The following GP6 variants were observed in gnomAD, a reference collection of about 807,000 sequenced individuals.
The protein encoded by GP6 is platelet glycoprotein VI.
Under a neutral mutation model 37.3 loss-of-function variants are expected in GP6, and 45 were observed. That is an observed-to-expected ratio of 1.21 (90% CI 0.95 to 1.55). The LOEUF (loss-of-function observed/expected upper bound fraction) is 1.55. Ranked by LOEUF, GP6 falls within the 40% of genes most tolerant of loss-of-function variation. GP6 has a pLI of 0.00. For missense variants in GP6, 813 were observed against 760.2 expected (o/e 1.07, Z -0.82); for synonymous variants, 340 against 316.4 (o/e 1.07, Z -0.79).
intron 1 of GP6, among the ~76,000 whole-genome samples, chr19:55,037,261 G>T (rs182604692): frequency 6.6e-6 from 1 of 151,996 alleles, no homozygotes; most frequent in African/African-American, 2.4e-5. Flanking sequence ...CATCCATCAG[G>T]AGACTATTTA....
At chr19:55,032,026 C>T (rs553455902) in intron 3 of GP6, 113 bp downstream of exon 3, 38 of 1,046,656 alleles carry the variant, frequency 3.6e-5, no homozygotes, top group East Asian at 7.7e-5. Flanking sequence ...CACCACCACC[C>T]GCTAGGCCAG....
chr19:55,023,696 C>T (rs2074163198), intron 5 of GP6, among the ~76,000 whole-genome samples: 1 of 152,176 alleles, frequency 6.6e-6, no homozygotes, highest in African/African-American at 2.4e-5. Context: ...ATGATCCAGT[C>T]TCAGATATTT....
rs370477228 is a variant in GP6, at chr19:55,014,851, C to G, written c.1094G>C (p.Arg365Pro). ...CCCTCCTGCTTCCACGCTCCACACA[C>G]GCCAGTCTTTGAGTCGCCTCCCATG... Residue 365 changes from arginine to proline, a missense_variant, in exon 8 of 8, where the codon CGT becomes CCT. Transcript: ENST00000310373. The G allele has an allele frequency of 4.3e-6, 7 of 1,614,118 alleles. No homozygotes were observed. The highest frequency in any genetic ancestry group is 2.2e-5 in the South Asian group (2 of 91,074).
intron 1 of GP6, among the ~76,000 whole-genome samples, chr19:55,034,150 A>ATGTGTGTGTG (rs61435060): frequency 0.089 from 13,279 of 149,152 alleles, 804 homozygotes; most frequent in Non-Finnish European, 0.13. Flanking sequence ...ATATGTATGC[A>ATGTGTGTGTG]TGTGTGTGTG....
At chr19:55,037,454 T>C (rs138794755) in intron 1 of GP6, among the ~76,000 whole-genome samples, 25 of 151,476 alleles carry the variant, frequency 1.7e-4, no homozygotes, top group Middle Eastern at 3.4e-3. Flanking sequence ...TCTCCTGCCT[T>C]AGCCTCCAGA....
In GP6 at chr19:55,021,520, GT is replaced by G. The variant is rs1555797168; in HGVS notation, c.665-2810del. ...ACCTGTTGTTTCTTGACTTTTGTTG[GT>G]TTTTTTTTTTTTTTTTTGAGATGGA... On this transcript the variant is annotated intron_variant, in intron 5 of 7. Coordinates refer to ENST00000310373, the MANE Select transcript of GP6 (RefSeq NM_001083899.2). Among the ~76,000 whole-genome samples the G allele has an allele frequency of 8.8e-4, 111 of 126,238 alleles. 1 individual carries two copies. The highest frequency in any genetic ancestry group is 2.1e-3 in the African/African-American group (72 of 33,866). The allele number at this position is 126,238 out of a possible 152,430, so 82.8% of individuals were successfully genotyped here. A position where few individuals can be genotyped will look rare whatever the true frequency, so the allele number is the denominator to read the frequency against.
chr19:55,033,143 T>C (rs189085352), intron 1 of GP6, among the ~76,000 whole-genome samples: 6 of 99,258 alleles, frequency 6.0e-5, no homozygotes, highest in Non-Finnish European at 1.3e-4. Flanking sequence ...TTAGACACGG[T>C]GGGTTCGTTC....
intron 3 of GP6, among the ~76,000 whole-genome samples, chr19:55,030,738 T>C (rs1336868966): frequency 6.6e-6 from 1 of 152,146 alleles, no homozygotes; most frequent in Non-Finnish European, 1.5e-5. Flanking sequence ...CTAAATGCAC[T>C]GTGGGGCCCT....
At chr19:55,015,918 G>A (rs936129458) in intron 6 of GP6, among the ~76,000 whole-genome samples, 185 bp from the exon 7 acceptor site, 2 of 152,038 alleles carry the variant, frequency 1.3e-5, no homozygotes, top group Non-Finnish European at 2.9e-5. Context: ...TAGGAGGCTG[G>A]CTTGAGTCCA....
intron 1 of GP6, 132 bp downstream of exon 1, chr19:55,038,071 A>G: frequency 6.5e-6 from 5 of 771,358 alleles, no homozygotes; most frequent in Non-Finnish European, 1.1e-5. Flanking sequence ...TCCCCACCCA[A>G]CAAATGAAGG....
chr19:55,024,336 A>ACACATGCACG, intron 5 of GP6, among the ~76,000 whole-genome samples: 2 of 54,642 alleles, frequency 3.7e-5, no homozygotes, highest in East Asian at 5.4e-4. Flanking sequence ...ATATGCACGC[A>ACACATGCACG]CACACGCACA....
chr19:55,017,270 C>T (rs143750748), intron 6 of GP6, among the ~76,000 whole-genome samples: 3,491 of 152,096 alleles, frequency 0.023, 59 homozygotes, highest in Non-Finnish European at 0.033. Context: ...GTGCCCACCA[C>T]CACGCCCGGC....
In GP6 at chr19:55,032,365, C is replaced by CA; in HGVS notation, c.98dup (p.Pro34AlafsTer108). The CA allele has an allele frequency of 6.2e-7, 1 of 1,613,734 alleles. No homozygotes were observed. Among genetic ancestry groups the CA allele is most frequent in the Non-Finnish European group, 8.5e-7 (1 of 1,179,828 alleles). On this transcript the variant is annotated frameshift_variant, in exon 3 of 8. Coordinates refer to ENST00000310373, the MANE Select transcript of GP6 (RefSeq NM_001083899.2). LOFTEE classifies it high-confidence loss of function. ...TCTCCAGGGGCACCAGGGAGCTGGG[C>CA]AGAGCCTGGAGGGAGGGCTTGGGGA...
At chr19:55,030,308 C>T (rs1279590023) in intron 3 of GP6, among the ~76,000 whole-genome samples, 3 of 151,860 alleles carry the variant, frequency 2.0e-5, no homozygotes, top group East Asian at 1.9e-4. Context: ...GTGAATACAG[C>T]GAGTGTACTA....
intron 5 of GP6, 33 bp from the exon 6 acceptor site, chr19:55,018,744 G>A (rs746622438): frequency 6.7e-6 from 10 of 1,484,132 alleles, no homozygotes; most frequent in African/African-American, 2.8e-5. Context: ...GGTCTTCCCC[G>A]TGGTTCCCTA....
intron 1 of GP6, among the ~76,000 whole-genome samples, chr19:55,034,150 A>ATATGTGTGTGTG (rs2074729186): frequency 6.7e-6 from 1 of 149,158 alleles, no homozygotes; most frequent in Non-Finnish European, 1.5e-5. Flanking sequence ...ATATGTATGC[A>ATATGTGTGTGTG]TGTGTGTGTG....
At chr19:55,036,969 C>G (rs1404550730) in intron 1 of GP6, among the ~76,000 whole-genome samples, 4 of 152,148 alleles carry the variant, frequency 2.6e-5, no homozygotes, top group Non-Finnish European at 5.9e-5. Context: ...TGAGATCATG[C>G]CATTGCATTC....
In GP6 at chr19:55,014,566, A is replaced by C; in HGVS notation, c.1379T>G (p.Leu460Arg). The change falls in exon 8 of 8, where the codon CTC becomes CGC. Residue 460 changes from leucine (L) to arginine (R), a missense_variant. Leu to Arg is a moderately radical substitution (Grantham distance 102). Coordinates refer to ENST00000310373, the MANE Select transcript of GP6 (RefSeq NM_001083899.2). ...AGAGGATGGAACAGAGTCAACCCTGAGAGCTGGGAACCTTAGAGATCCGTC... is the reference window on the plus strand; with the variant it reads ...AGAGGATGGAACAGAGTCAACCCTGCGAGCTGGGAACCTTAGAGATCCGTC... The C allele has an allele frequency of 6.2e-7, 1 of 1,613,290 alleles. No homozygotes were observed. Among genetic ancestry groups the C allele is most frequent in the Non-Finnish European group, 8.5e-7 (1 of 1,179,332 alleles).
intron 3 of GP6, among the ~76,000 whole-genome samples, chr19:55,029,797 A>T (rs114280971): frequency 7.7e-4 from 117 of 151,626 alleles, no homozygotes; most frequent in African/African-American, 2.8e-3. Flanking sequence ...ATACTTAGCG[A>T]GAAGAGAGTA....
Sources: allele counts gnomAD v4.1 joint callset (sites outside exome capture counted in the v4.1 genomes callset), GRCh38; gene constraint gnomAD v4.1.1; transcripts MANE v1.5; gene names NCBI Gene and HGNC (gene_info 2026-07-23, HGNC 2026-07-21).